Variants in CLIP2 observed in about 807,000 individuals in gnomAD.
CLIP2 encodes CAP-Gly domain containing linker protein 2.
Under a neutral mutation model 111.7 loss-of-function variants are expected in CLIP2, and 41 were observed. The ratio of observed to expected loss-of-function variants is 0.37; its 90% CI spans 0.29 to 0.48. CLIP2 has a LOEUF of 0.48. Ranked by LOEUF, CLIP2 falls within the 20% of genes least tolerant of loss-of-function variation. The pLI, the probability that CLIP2 is intolerant of heterozygous loss-of-function variation, is 0.99. For missense variants in CLIP2, 1,160 were observed against 1,422.1 expected (o/e 0.82, Z 2.96); for synonymous variants, 660 against 644.2 (o/e 1.02, Z -0.37).
chr7:74,322,966 T>A (rs1389891160), intron 2 of CLIP2, among the ~76,000 whole-genome samples: 1 of 152,086 alleles, frequency 6.6e-6, no homozygotes, highest in South Asian at 2.1e-4. Context: ...TCTGACCTTG[T>A]GATCCACCTG....
At chr7:74,344,712 A>G (rs2116575313) in intron 3 of CLIP2, among the ~76,000 whole-genome samples, 1 of 152,078 alleles carries the variant, frequency 6.6e-6, no homozygotes, top group Admixed American at 6.6e-5. Flanking sequence ...CTAATCGAGG[A>G]TTTAGGCTAG....
Position 74,338,048 on chromosome 7 carries a change from C to G in CLIP2, c.122-400C>G, listed in dbSNP as rs1432913985. On this transcript the variant is annotated intron_variant, in intron 2 of 16. Coordinates refer to ENST00000223398, the MANE Select transcript of CLIP2 (RefSeq NM_003388.5). The surrounding 1 kb of genome is among the most constrained non-coding windows in gnomAD (Gnocchi z 4.3). ...AAGACCATGTCTCTACAAAAAAATA[C>G]AAAAATTAGCCCAGTGTAGTGGCAG... Among the ~76,000 whole-genome samples the G allele has an allele frequency of 6.6e-6, 1 of 152,052 alleles. No homozygotes were observed. Among genetic ancestry groups the G allele is most frequent in the East Asian group, 1.9e-4 (1 of 5,184 alleles).
intron 10 of CLIP2, among the ~76,000 whole-genome samples, chr7:74,378,546 C>T (rs1333200815): frequency 2.0e-5 from 3 of 152,010 alleles, no homozygotes; most frequent in Non-Finnish European, 4.4e-5. Flanking sequence ...TTGAGACCAG[C>T]CTGGACAACA....
chr7:74,386,692 G>A (rs1405332235), intron 12 of CLIP2, 88 bp downstream of exon 12: 6 of 1,074,638 alleles, frequency 5.6e-6, no homozygotes, highest in Non-Finnish European at 8.0e-6. Context: ...GTGGGTCAGG[G>A]CCTGGCTTAG....
chr7:74,361,176 T>TTTCCTTCCTTCCTTCCTTCCTTCTTTCC (rs1790319179), intron 7 of CLIP2, among the ~76,000 whole-genome samples: 1 of 62,016 alleles, frequency 1.6e-5, no homozygotes, highest in Non-Finnish European at 3.3e-5. Context: ...CCCTCCCTTC[T>TTTCCTTCCTTCCTTCCTTCCTTCTTTCC]TTCCTTCCTT....
chr7:74,359,450 T>C (rs1210863312), intron 6 of CLIP2, among the ~76,000 whole-genome samples: 1 of 150,742 alleles, frequency 6.6e-6, no homozygotes, highest in African/African-American at 2.4e-5. Flanking sequence ...GCCCCCCAGG[T>C]TCACGCCATT....
intron 11 of CLIP2, among the ~76,000 whole-genome samples, chr7:74,386,056 T>C (rs1554314718): frequency 6.7e-6 from 1 of 148,182 alleles, no homozygotes. Context: ...TTTTTTTTTT[T>C]TTTCTTTTTG....
chr7:74,375,828 T>G, intron 9 of CLIP2, 59 bp from the exon 10 acceptor site: 3 of 1,418,016 alleles, frequency 2.1e-6, no homozygotes, highest in Non-Finnish European at 2.8e-6. Context: ...CATTGTGCCC[T>G]CCTTACCTTC....
chr7:74,292,398 CT>C (rs1265007320), intron 1 of CLIP2, among the ~76,000 whole-genome samples: 1 of 152,078 alleles, frequency 6.6e-6, no homozygotes, highest in Admixed American at 6.6e-5. Context: ...TTGTTCTGAG[CT>C]TTTTTGAGAC....
chr7:74,352,698 CAA>C (rs56250956), intron 3 of CLIP2, among the ~76,000 whole-genome samples: 2 of 132,098 alleles, frequency 1.5e-5, no homozygotes, highest in Non-Finnish European at 3.2e-5. Context: ...AACACTGTCT[CAA>C]AAAAAAAAAA....
chr7:74,333,992 T>C lies in CLIP2; in HGVS notation c.122-4456T>C, dbSNP rs188778499. Among the ~76,000 whole-genome samples the C allele has an allele frequency of 3.9e-5, 6 of 152,316 alleles. No individual in the cohort carries two copies. The East Asian group carries it at 1.2e-3, about 29-fold the overall frequency. On this transcript the variant is annotated intron_variant, in intron 2 of 16. Coordinates refer to ENST00000223398, the MANE Select transcript of CLIP2 (RefSeq NM_003388.5). The stretch of plus-strand genomic sequence containing the variant: ...TTTCAAAAACTCCATCGTATATACA[T>C]TGGCTCCCCTGGGAGGAGACGTAGG...
chr7:74,318,189 G>A (rs1277441577), intron 2 of CLIP2, among the ~76,000 whole-genome samples: 2 of 151,916 alleles, frequency 1.3e-5, no homozygotes, highest in Non-Finnish European at 2.9e-5. Context: ...AGAGGGAACA[G>A]CACATGCAAA....
rs1562719545 is a variant in CLIP2 at position 74,376,966 on chromosome 7, C to T, written c.2421+144C>T. 1 of 824,346 alleles carries T rather than the reference C, an allele frequency of 1.2e-6. No individual in the cohort carries two copies. The highest frequency in any genetic ancestry group is 1.8e-6 in the Non-Finnish European group (1 of 542,776). The allele number at this position is 824,346 out of a possible 1,614,324, so 51.1% of individuals were successfully genotyped here. On this transcript the variant is annotated intron_variant, in intron 10 of 16. Coordinates refer to ENST00000223398, the MANE Select transcript of CLIP2 (RefSeq NM_003388.5). The surrounding 1 kb of genome is among the most constrained non-coding windows in gnomAD (Gnocchi z 7.1). ...GGCAGTCAAGGAAGGGGTCACCTGGCTTAGAGGAGGAGGAGCTCCTTGGCC... is the reference window on the plus strand; with the variant it reads ...GGCAGTCAAGGAAGGGGTCACCTGGTTTAGAGGAGGAGGAGCTCCTTGGCC...
At position 74,389,103 on chromosome 7, in the gene CLIP2, C is replaced by T. The variant is rs555573562; in HGVS notation, c.2564C>T (p.Ala855Val). ...QTEMLRAQVS[A>V]LESKCKSGEK... ...TCCCTTCCCTGCCGGCTGACCCCAG[C>T]GCTGGAGAGCAAGTGTAAGTCAGGC... is the stretch of plus-strand genomic sequence containing the variant. Residue 855 changes from alanine (A) to valine (V), a missense_variant and splice_region_variant, in exon 13 of 17, where the codon GCG becomes GTG. Transcript: ENST00000223398. 3.5e-5 allele frequency: 56 copies of T among 1,607,410 alleles called. No homozygotes were observed. Among genetic ancestry groups the T allele is most frequent in the East Asian group, 1.3e-4 (6 of 44,820 alleles).
At chr7:74,357,164 G>T in intron 5 of CLIP2, 116 bp from the exon 6 acceptor site, 1 of 831,490 alleles carries the variant, frequency 1.2e-6, no homozygotes. Context: ...GACCCTGGGA[G>T]TCAAGGCACT....
In CLIP2 at chr7:74,320,702, C is replaced by T. The variant is rs34920696; in HGVS notation, c.121+3035C>T. On this transcript the variant is annotated intron_variant, in intron 2 of 16. Coordinates refer to ENST00000223398, the MANE Select transcript of CLIP2 (RefSeq NM_003388.5). The stretch of plus-strand genomic sequence containing the variant: ...GGGGAGGGAAGGGCTCATTACCATG[C>T]GTGGGCAATCAGGGAAGACTTCCTG... Among the ~76,000 whole-genome samples, 80 of 152,104 alleles carry T rather than the reference C, an allele frequency of 5.3e-4. 1 individual carries two copies. Among genetic ancestry groups the T allele is most frequent in the Admixed American group, 3.1e-3 (48 of 15,272 alleles).
chr7:74,387,662 G>A (rs1282491778), intron 12 of CLIP2, among the ~76,000 whole-genome samples: 4 of 152,342 alleles, frequency 2.6e-5, no homozygotes, highest in Admixed American at 2.6e-4. Context: ...GTACAAGGCA[G>A]AATTGGCCCC....
chr7:74,354,061 G>A (rs572923002), intron 4 of CLIP2, 57 bp downstream of exon 4: 41 of 1,552,168 alleles, frequency 2.6e-5, no homozygotes, highest in East Asian at 1.8e-4. Flanking sequence ...CAGGGTGGGC[G>A]CAGGGGATGG....
chr7:74,346,570 A>C (rs1355193902), intron 3 of CLIP2, among the ~76,000 whole-genome samples: 1 of 152,060 alleles, frequency 6.6e-6, no homozygotes, highest in African/African-American at 2.4e-5. Flanking sequence ...TAAAAATACA[A>C]AAGTTAGCTG....
Sources: gnomAD v4.1 joint callset for allele counts (sites outside exome capture counted in the v4.1 genomes callset) on GRCh38, gnomAD v4.1.1 for gene constraint, Gnocchi (gnomAD v3.1) non-coding constraint, MANE v1.5 for transcripts, NCBI Gene and HGNC (gene_info 2026-07-23, HGNC 2026-07-21) for gene names.